Variants in LPA observed in about 807,000 individuals in gnomAD.
LPA encodes the protein apolipoprotein(a).
A neutral mutation model predicts 197.9 loss-of-function variants in LPA; 199 were observed. The ratio of observed to expected loss-of-function variants is 1.01; its 90% CI spans 0.90 to 1.13. The LOEUF is 1.13. Ranked by LOEUF, LPA falls within the 50% of genes most tolerant of loss-of-function variation. The pLI is 0.00. For synonymous variants in LPA, 715 were observed against 639.5 expected, an observed-to-expected ratio of 1.12 and a Z score of -1.78; for missense variants, 1,853 against 1,785.8, an observed-to-expected ratio of 1.04 and a Z score of -0.68.
intron 1 of LPA, among the ~76,000 whole-genome samples, chr6:160,651,059 T>C (rs917408892): frequency 2.0e-5 from 3 of 152,206 alleles, no homozygotes; most frequent in African/African-American, 7.2e-5. Context: ...GGAAATTTTC[T>C]TGTGCCCAGC....
intron 30 of LPA, among the ~76,000 whole-genome samples, chr6:160,549,866 G>C (rs1256698978): frequency 1.3e-5 from 2 of 152,214 alleles, no homozygotes; most frequent in African/African-American, 4.8e-5. Context: ...GAGAGGGCTG[G>C]CTAGACTATG....
Position 160,577,164 on chromosome 6 carries a change from G to A in LPA, c.4603C>T (p.Gln1535Ter). The A allele has an allele frequency of 6.2e-7, 1 of 1,613,832 alleles. No individual in the cohort carries two copies. The highest frequency in any genetic ancestry group is 8.5e-7 in the Non-Finnish European group (1 of 1,179,828). ...SWSSMIPHWHQRTPENYPNAG... is the reference protein window; with the variant it reads ...SWSSMIPHWH ...TTTGGGTAGTTTTCTGGGGTCCTCT[G>A]ATGCCAGTGTGGTATCATAGATGAC... The change falls in exon 28 of 39, where the codon CAG becomes TAG. Residue 1535 changes from glutamine (Q) to a stop codon, truncating the protein, a stop_gained. Coordinates refer to ENST00000316300, the MANE Select transcript of LPA (RefSeq NM_005577.4). LOFTEE classifies it high-confidence loss of function.
chr6:160,654,007 A>ATATATTATATAT (rs1780067069), intron 1 of LPA, among the ~76,000 whole-genome samples: 1 of 8,054 alleles, frequency 1.2e-4, no homozygotes, highest in Non-Finnish European at 2.2e-4. Flanking sequence ...TATATATAAT[A>ATATATTATATAT]TATATTATAT....
intron 1 of LPA, among the ~76,000 whole-genome samples, chr6:160,658,620 G>T (rs957125826): frequency 6.6e-6 from 1 of 152,134 alleles, no homozygotes; most frequent in African/African-American, 2.4e-5. Context: ...CATAAGTGAT[G>T]AATCAGTAGT....
intron 2 of LPA, among the ~76,000 whole-genome samples, chr6:160,647,111 C>T (rs183280395): frequency 1.3e-5 from 2 of 152,214 alleles, no homozygotes; most frequent in Admixed American, 6.5e-5. Flanking sequence ...CTGGGCAGGA[C>T]CTTCTCTCCT....
intron 1 of LPA, among the ~76,000 whole-genome samples, chr6:160,660,917 A>T (rs1220688325): frequency 6.6e-6 from 1 of 152,188 alleles, no homozygotes; most frequent in African/African-American, 2.4e-5. Context: ...AATTGTAAAA[A>T]AGCAGAACCT....
chr6:160,598,904 G>A (rs569603656), intron 20 of LPA, among the ~76,000 whole-genome samples: 2 of 152,280 alleles, frequency 1.3e-5, no homozygotes, highest in South Asian at 2.1e-4. Flanking sequence ...AGGTGAAAAG[G>A]TTGTATTAAC....
chr6:160,606,943 T>C (rs1164118669), intron 16 of LPA, among the ~76,000 whole-genome samples: 1 of 152,174 alleles, frequency 6.6e-6, no homozygotes, highest in East Asian at 1.9e-4. Context: ...GATCAGAGTA[T>C]TCTCCTTCTG....
Position 160,586,511 on chromosome 6 carries a change from G to A in LPA, c.4067C>T (p.Ser1356Leu). 6.2e-7 allele frequency: 1 copy of A among 1,613,816 alleles called. No homozygotes were observed. The highest frequency in any genetic ancestry group is 8.5e-7 in the Non-Finnish European group (1 of 1,179,792). The change falls in exon 25 of 39, where the codon TCA becomes TTA. Residue 1356 changes from serine to leucine, a missense_variant. By Grantham distance (145) the Ser-to-Leu change is moderately radical. Transcript: ENST00000316300. Reference protein sequence around the residue: ...CNLTQCPVMESTLLTTPTVVP... With the variant: ...CNLTQCPVMELTLLTTPTVVP... ...CACCGTGGGAGTTGTGAGGAGAGTT[G>A]ATTCCATCACTGGACATTGCGTCAG...
At chr6:160,590,866 C>T (rs187329404) in intron 23 of LPA, 78 bp downstream of exon 23, 14 of 1,581,288 alleles carry the variant, frequency 8.9e-6, no homozygotes, top group South Asian at 7.8e-5. Context: ...GCATGGAAGG[C>T]TTCTGTATCA....
intron 28 of LPA, among the ~76,000 whole-genome samples, chr6:160,564,596 T>C (rs1369983107): frequency 1.3e-5 from 2 of 152,162 alleles, no homozygotes; most frequent in Non-Finnish European, 2.9e-5. Flanking sequence ...AAGCAGAAGA[T>C]GGGTGGTTTC....
Position 160,532,610 on chromosome 6 carries a change from A to T in LPA, c.5882T>A (p.Leu1961His), listed in dbSNP as rs41267809. 5.6e-6 allele frequency: 9 copies of T among 1,613,218 alleles called. No individual in the cohort carries two copies. In the East Asian group the frequency reaches 1.6e-4, roughly 28 times the overall value. The part of the protein sequence containing the change: ...GTGLLKEAQL[L>H]VIENEVCNHY... ...ATTGCACACTTCATTCTCAATAACAAGGAGCTGGGCTTCCTTGAGAAGGCC... is the reference window on the plus strand; with the variant it reads ...ATTGCACACTTCATTCTCAATAACATGGAGCTGGGCTTCCTTGAGAAGGCC... Residue 1961 changes from leucine (L) to histidine (H), a missense_variant, in exon 38 of 39, where the codon CTT becomes CAT. Leu to His is a moderately conservative substitution (Grantham distance 99, BLOSUM62 -3). This residue lies in a region of LPA where 1,737 missense variants were observed against 1,504.4 expected (regional missense o/e 1.15). Transcript: ENST00000316300.
At chr6:160,586,050 C>A (rs902716800) in intron 25 of LPA, among the ~76,000 whole-genome samples, 1 of 152,128 alleles carries the variant, frequency 6.6e-6, no homozygotes, top group Non-Finnish European at 1.5e-5. Flanking sequence ...AAATGGCATT[C>A]CTTCAAAATG....
rs1426727652 is a variant in LPA, at chr6:160,594,046, A to C, written c.3541T>G (p.Ser1181Ala). The change falls in exon 22 of 39, where the codon TCT becomes GCT. Residue 1181 changes from serine (S) to alanine (A), a missense_variant. Ser to Ala is a moderately conservative substitution (Grantham distance 99). Transcript: ENST00000316300. The stretch of plus-strand genomic sequence containing the variant: ...CATGTCCTTCCTGTGACAGTGGTAG[A>C]GAATGAGCCTCGATAACTCTGTCCA... ...GDGQSYRGSF[S>A]TTVTGRTCQS... is the part of the protein sequence containing the mutation. 1 of 1,614,008 alleles carries C rather than the reference A, an allele frequency of 6.2e-7. No individual in the cohort carries two copies. The highest frequency in any genetic ancestry group is 1.7e-5 in the Admixed American group (1 of 60,024).
chr6:160,589,957 T>C (rs1778994071), intron 23 of LPA, among the ~76,000 whole-genome samples: 1 of 152,206 alleles, frequency 6.6e-6, no homozygotes, highest in African/African-American at 2.4e-5. Context: ...AGAGTGCCTA[T>C]CAGTCAAAAT....
intron 17 of LPA, among the ~76,000 whole-genome samples, chr6:160,606,094 T>G (rs1175789549): frequency 6.6e-6 from 1 of 152,148 alleles, no homozygotes; most frequent in Non-Finnish European, 1.5e-5. Flanking sequence ...TCTGCAATGC[T>G]GAAGATTGCA....
intron 33 of LPA, 57 bp from the exon 34 acceptor site, chr6:160,542,865 G>A (rs1379918869): frequency 1.6e-5 from 25 of 1,610,548 alleles, no homozygotes; most frequent in East Asian, 6.7e-5. Context: ...CAATTGTGTC[G>A]TTTAATTCAG....
chr6:160,555,710 A>C (rs1778251427), intron 30 of LPA, among the ~76,000 whole-genome samples: 1 of 152,010 alleles, frequency 6.6e-6, no homozygotes, highest in Non-Finnish European at 1.5e-5. Flanking sequence ...TGGGTGAAAG[A>C]GTGCATTGAT....
chr6:160,647,321 T>A (rs901573353), intron 2 of LPA, among the ~76,000 whole-genome samples: 1 of 152,304 alleles, frequency 6.6e-6, no homozygotes, highest in Non-Finnish European at 1.5e-5. Flanking sequence ...TCTTGAAGCA[T>A]TCGCTCTTCC....
Sources: gnomAD v4.1 joint callset for allele counts (sites outside exome capture counted in the v4.1 genomes callset) on GRCh38, gnomAD v4.1.1 for gene constraint, gnomAD v4.1.1 regional missense constraint, MANE v1.5 for transcripts, NCBI Gene and HGNC (gene_info 2026-07-23, HGNC 2026-07-21) for gene names.